CNIH3: variants seen among roughly 807,000 people sequenced by gnomAD.
The protein encoded by CNIH3 is cornichon family AMPA receptor auxiliary protein 3, also known as protein cornichon homolog 3.
In CNIH3, 14 loss-of-function variants were observed where a neutral mutation model predicts 24.1. The ratio of observed to expected loss-of-function variants is 0.58; its 90% CI spans 0.38 to 0.91. The LOEUF (loss-of-function observed/expected upper bound fraction) is 0.91. Among genes scored for constraint, CNIH3 ranks in the 40% least tolerant of loss-of-function variants. CNIH3 has a pLI of 0.00. For missense variants in CNIH3, 178 were observed against 196.8 expected (o/e 0.90, Z 0.57); for synonymous variants, 68 against 73.8 (o/e 0.92, Z 0.40).
chr1:224,539,893 T>C (rs564560768), downstream of CNIH3, among the ~76,000 whole-genome samples: 1 of 152,364 alleles, frequency 6.6e-6, no homozygotes, highest in South Asian at 2.1e-4. Flanking sequence ...CTTTATATTA[T>C]AGTTAATTGC....
At chr1:224,685,884 A>G (rs543654323) in intron 3 of CNIH3, among the ~76,000 whole-genome samples, 1 of 152,308 alleles carries the variant, frequency 6.6e-6, no homozygotes, top group Admixed American at 6.5e-5. Flanking sequence ...AAGCCTATAT[A>G]TGAAAATATT....
At chr1:224,434,776 C>T in exon 1 of CNIH3, 1 of 986,336 alleles carries the variant, frequency 1.0e-6, no homozygotes, top group Non-Finnish European at 1.2e-6. Flanking sequence ...TGTGTTGATT[C>T]TTCCCCCAGC....
intron 1 of CNIH3, among the ~76,000 whole-genome samples, chr1:224,470,609 CA>C (rs1466378863): frequency 6.6e-6 from 1 of 152,150 alleles, no homozygotes; most frequent in Non-Finnish European, 1.5e-5. Flanking sequence ...TGTGAGCCAC[CA>C]CACCCAGCCC....
chr1:224,508,783 A>C (rs1334599092), intron 1 of CNIH3, among the ~76,000 whole-genome samples: 3 of 152,186 alleles, frequency 2.0e-5, no homozygotes, highest in African/African-American at 7.2e-5. Context: ...ATGGATATAA[A>C]TGTATGTATA....
At chr1:224,526,042 G>A (rs929872518) in intron 2 of CNIH3, among the ~76,000 whole-genome samples, 2 of 152,186 alleles carry the variant, frequency 1.3e-5, no homozygotes, top group Non-Finnish European at 1.5e-5. Context: ...CTTCAGCTGG[G>A]CACTGTGTCA....
At chr1:224,563,402 A>G (rs755068305) in intron 3 of CNIH3, among the ~76,000 whole-genome samples, 44 of 151,844 alleles carry the variant, frequency 2.9e-4, no homozygotes, top group Admixed American at 7.2e-4. Context: ...AGAAGGAATG[A>G]TCGTTATGGG....
intron 2 of CNIH3, among the ~76,000 whole-genome samples, chr1:224,526,976 A>G (rs1386057753): frequency 1.3e-5 from 2 of 152,220 alleles, no homozygotes; most frequent in Non-Finnish European, 2.9e-5. Context: ...TAAGCCATTC[A>G]TGAGGGCTCC....
At chr1:224,538,240 C>T (rs915905928), downstream of CNIH3, among the ~76,000 whole-genome samples, 3 of 152,072 alleles carry the variant, frequency 2.0e-5, no homozygotes, top group African/African-American at 2.4e-5. Context: ...TGAGCCACTG[C>T]GCCTGGCCCA....
intron 1 of CNIH3, among the ~76,000 whole-genome samples, chr1:224,476,535 C>T (rs897037248): frequency 2.6e-5 from 4 of 152,188 alleles, no homozygotes; most frequent in African/African-American, 9.6e-5. Flanking sequence ...TGAGCACTGG[C>T]AGCGAGCTGC....
At chr1:224,559,563 G>A (rs1343516250) in intron 3 of CNIH3, among the ~76,000 whole-genome samples, 1 of 152,022 alleles carries the variant, frequency 6.6e-6, no homozygotes, top group African/African-American at 2.4e-5. Flanking sequence ...TGTAGAGATG[G>A]GGTGTCACTG....
chr1:224,549,074 G>A (rs1425665623), intron 3 of CNIH3, among the ~76,000 whole-genome samples: 1 of 151,978 alleles, frequency 6.6e-6, no homozygotes, highest in African/African-American at 2.4e-5. Flanking sequence ...TACACTTTGT[G>A]TACACATTAT....
intron 1 of CNIH3, among the ~76,000 whole-genome samples, chr1:224,647,659 A>G (rs1182320548): frequency 6.6e-6 from 1 of 152,182 alleles, no homozygotes; most frequent in Non-Finnish European, 1.5e-5. Flanking sequence ...AATGTGTGTT[A>G]ACCCCACTTC....
At chr1:224,717,742 T>G (rs1430881843) in intron 3 of CNIH3, 1 of 152,276 alleles carries the variant, frequency 6.6e-6, no homozygotes, top group East Asian at 1.9e-4. Context: ...CATGGATTCT[T>G]CTTTGTCCAC....
At chr1:224,683,498 A>C (rs989717658) in intron 2 of CNIH3, among the ~76,000 whole-genome samples, 1 of 152,210 alleles carries the variant, frequency 6.6e-6, no homozygotes, top group Admixed American at 6.5e-5. Context: ...TGGCTTAAAA[A>C]AGCTACTTCA....
At chr1:224,463,770 CTCATTTTTTTTTTTT>C (rs1436373134) in intron 1 of CNIH3, among the ~76,000 whole-genome samples, 2 of 87,070 alleles carry the variant, frequency 2.3e-5, no homozygotes, top group Non-Finnish European at 4.1e-5. Context: ...ATGAATTGTC[CTCATTTTTTTTTTTT>C]TTTTTTTTTT....
At chr1:224,688,276 T>C (rs772693372) in intron 3 of CNIH3, among the ~76,000 whole-genome samples, 4 of 152,242 alleles carry the variant, frequency 2.6e-5, no homozygotes, top group Non-Finnish European at 4.4e-5. Flanking sequence ...TAGGTGCTTC[T>C]GTCTGTCTGG....
At chr1:224,478,749 C>T (rs1676683252) in intron 1 of CNIH3, among the ~76,000 whole-genome samples, 1 of 152,134 alleles carries the variant, frequency 6.6e-6, no homozygotes, top group African/African-American at 2.4e-5. Context: ...TAAAGACATA[C>T]CTAAGACTGG....
chr1:224,594,120 C>A (rs1681876687), intron 3 of CNIH3, among the ~76,000 whole-genome samples: 1 of 152,212 alleles, frequency 6.6e-6, no homozygotes, highest in Non-Finnish European at 1.5e-5. Context: ...TGCCACAGAA[C>A]TGAACACTTA....
intron 3 of CNIH3, among the ~76,000 whole-genome samples, chr1:224,688,371 G>A (rs146659926): frequency 0.03 from 4,579 of 152,252 alleles, 111 homozygotes; most frequent in Middle Eastern, 0.051. Flanking sequence ...TCCTGGGCAT[G>A]CAGGTCTGTC....
Sources: gnomAD v4.1 joint callset for allele counts (sites outside exome capture counted in the v4.1 genomes callset) on GRCh38, gnomAD v4.1.1 for gene constraint, MANE v1.5 for transcripts, NCBI Gene and HGNC (gene_info 2026-07-23, HGNC 2026-07-21) for gene names.